Variants in WNK1 observed in about 807,000 individuals in gnomAD.
WNK1 encodes serine/threonine-protein kinase WNK1.
A neutral mutation model predicts 222.8 loss-of-function variants in WNK1; 38 were observed. The ratio of observed to expected loss-of-function variants is 0.17; its 90% CI spans 0.13 to 0.22. The LOEUF (loss-of-function observed/expected upper bound fraction) is 0.22, where lower values mean the gene tolerates loss of function less well. Among genes scored for constraint, WNK1 ranks in the 10% least tolerant of loss-of-function variants. The probability of loss-of-function intolerance (pLI) is 1.00; values close to 1 mark genes in which losing one functional copy is unlikely to be tolerated. For synonymous variants in WNK1, 1,090 were observed against 1,092.9 expected (o/e 1.00, Z 0.05); for missense variants, 2,348 against 2,918.4 (o/e 0.80, Z 4.50).
intron 3 of WNK1, among the ~76,000 whole-genome samples, chr12:828,840 A>G (rs541120864): frequency 2.6e-5 from 4 of 152,362 alleles, no homozygotes; most frequent in South Asian, 4.1e-4. Flanking sequence ...AGGTGACAAT[A>G]ACAAAAGAAA....
chr12:800,255 C>T (rs1181779769), intron 1 of WNK1, among the ~76,000 whole-genome samples: 6 of 152,014 alleles, frequency 3.9e-5, no homozygotes, highest in Admixed American at 6.5e-5. Flanking sequence ...CAGAAAAAAA[C>T]ATTTATTAAG....
intron 4 of WNK1, among the ~76,000 whole-genome samples, chr12:845,367 A>G (rs1949957559): frequency 6.6e-6 from 1 of 152,226 alleles, no homozygotes; most frequent in African/African-American, 2.4e-5. Context: ...ACACACCCAC[A>G]GACCCCAGCC....
chr12:895,855 C>T (rs1438164058), intron 23 of WNK1, among the ~76,000 whole-genome samples: 1 of 152,190 alleles, frequency 6.6e-6, no homozygotes, highest in Non-Finnish European at 1.5e-5. Flanking sequence ...ATAAGCGTAG[C>T]CAGCCACACA....
Position 865,310 on chromosome 12 carries a change from T to C in WNK1, c.2139+3040T>C, listed in dbSNP as rs1951571631. On this transcript the variant is annotated intron_variant, in intron 8 of 27. Transcript: ENST00000315939. ...TGGAGAGTGTCCTGCCTATGCACTC[T>C]GCCTCTCAGCGCAAGCACCGACGCT... is the stretch of plus-strand genomic sequence containing the variant. 2.6e-6 allele frequency: 4 copies of C among 1,536,048 alleles called. No individual in the cohort carries two copies. The highest frequency in any genetic ancestry group is 2.6e-6 in the Non-Finnish European group (3 of 1,146,924).
At chr12:795,338 G>A (rs1945214776) in intron 1 of WNK1, among the ~76,000 whole-genome samples, 1 of 138,970 alleles carries the variant, frequency 7.2e-6, no homozygotes, top group Admixed American at 7.3e-5. Context: ...GATATGGTTT[G>A]GCTCTGTATC....
At position 908,861 on chromosome 12, in the gene WNK1, G is replaced by GGGGCCCC; in HGVS notation, c.*69_*70insGGGCCCC. On this transcript the variant is annotated 3_prime_UTR_variant, in exon 28 of 28. Transcript: ENST00000315939. ...ATGCTGAGGGGGTGGGTGGGGGTGG[G>GGGGCCCC]AAGTAGCCTATATACTAACTACTAG... 1 of 491,846 alleles carries GGGGCCCC rather than the reference G, an allele frequency of 2.0e-6. No individual in the cohort carries two copies. Among genetic ancestry groups the GGGGCCCC allele is most frequent in the Non-Finnish European group, 4.1e-6 (1 of 241,770 alleles). The allele number at this position is 491,846 out of a possible 1,614,324, so 30.5% of individuals were successfully genotyped here. A position where few individuals can be genotyped will look rare whatever the true frequency, so the allele number is the denominator to read the frequency against.
intron 1 of WNK1, among the ~76,000 whole-genome samples, chr12:766,820 A>G (rs1222161697): frequency 4.0e-5 from 6 of 151,668 alleles, no homozygotes; most frequent in African/African-American, 1.5e-4. Context: ...TCTGTCGCCC[A>G]GGCTGGAGTG....
At position 885,432 on chromosome 12, in the gene WNK1, C is replaced by T. The variant is rs866506016; in HGVS notation, c.4628C>T (p.Ser1543Phe). ...AGCAGTACAACTGGATTGGCTTTCT[C>T]CCTCTCTGCACCATCTTCCTCTTCC... is the stretch of plus-strand genomic sequence containing the variant. ...SHSSTTGLAF[S>F]LSAPSSSSSP... The change falls in exon 19 of 28, where the codon TCC (serine) becomes TTC (phenylalanine). Residue 1543 changes from serine (S) to phenylalanine (F), a missense_variant. Ser to Phe is a radical substitution (Grantham distance 155, BLOSUM62 -2). Around this residue, in one of 13 missense-constraint regions of WNK1, gnomAD observed 1,144 missense variants for 1,273.6 expected, o/e 0.90. Transcript: ENST00000315939. The T allele has an allele frequency of 1.2e-6, 2 of 1,613,772 alleles. No individual in the cohort carries two copies. Among genetic ancestry groups the T allele is most frequent in the Non-Finnish European group, 1.7e-6 (2 of 1,180,038 alleles).
intron 8 of WNK1, chr12:867,835 T>C (rs908126045): frequency 2.5e-6 from 4 of 1,611,886 alleles, no homozygotes; most frequent in Non-Finnish European, 2.5e-6. Context: ...TATGAATGTA[T>C]GAATTACTTG....
intron 10 of WNK1, 71 bp downstream of exon 10, chr12:878,432 G>T: frequency 6.6e-7 from 1 of 1,518,366 alleles, no homozygotes; most frequent in Non-Finnish European, 9.0e-7. Context: ...GGATTTCCAT[G>T]TAACTTGTCC....
At chr12:864,261 C>T (rs1341423486) in intron 8 of WNK1, among the ~76,000 whole-genome samples, 1 of 151,974 alleles carries the variant, frequency 6.6e-6, no homozygotes, top group South Asian at 2.1e-4. Context: ...GCACCCATCA[C>T]CACGCCCAGC....
chr12:792,151 A>G (rs1312681677), intron 1 of WNK1, among the ~76,000 whole-genome samples: 1 of 152,160 alleles, frequency 6.6e-6, no homozygotes, highest in Non-Finnish European at 1.5e-5. Flanking sequence ...AGTTTTTTGA[A>G]GGAAGAAGCC....
At chr12:898,945 T>C (rs940478997) in intron 25 of WNK1, among the ~76,000 whole-genome samples, 1 of 152,128 alleles carries the variant, frequency 6.6e-6, no homozygotes, top group Non-Finnish European at 1.5e-5. Flanking sequence ...TTCACTATGT[T>C]GGCCAGGCTG....
Position 882,021 on chromosome 12 carries a change from G to A in WNK1, c.3320G>A (p.Arg1107Lys). 8 of 1,614,094 alleles carry A rather than the reference G, an allele frequency of 5.0e-6. No homozygotes were observed. Among genetic ancestry groups the A allele is most frequent in the Non-Finnish European group, 6.8e-6 (8 of 1,180,016 alleles). The change falls in exon 14 of 28, where the codon AGG becomes AAG. Residue 1107 changes from arginine (R) to lysine (K), a missense_variant. Transcript: ENST00000315939. ...TTKRHYRKSV[R>K]SRSRHEKTSR... ...AAACGGCATTACCGAAAATCTGTAAGGAGTCGCTCTCGACATGAAAAAACT... is the reference window on the plus strand; with the variant it reads ...AAACGGCATTACCGAAAATCTGTAAAGAGTCGCTCTCGACATGAAAAAACT...
intron 21 of WNK1, 35 bp from the exon 22 acceptor site, chr12:890,418 A>C (rs761872425): frequency 6.2e-7 from 1 of 1,613,986 alleles, no homozygotes; most frequent in East Asian, 2.2e-5. Context: ...ACTGAAGCTA[A>C]AGATTTGTGG....
At position 882,204 on chromosome 12, in the gene WNK1, T is replaced by G. The variant is rs202160513; in HGVS notation, c.3372+131T>G. Reference sequence around the variant, plus strand: ...AACTATCTGTGTGTGACAGATAATTTTTTTTTTTTTTAGACGGAGTCTCGC... The same window carrying G: ...AACTATCTGTGTGTGACAGATAATTGTTTTTTTTTTTAGACGGAGTCTCGC... On this transcript the variant is annotated intron_variant, in intron 14 of 27. Transcript: ENST00000315939. 161 of 1,090,152 alleles carry G rather than the reference T, an allele frequency of 1.5e-4. 1 individual carries two copies. In the East Asian group the frequency reaches 3.8e-3, roughly 25 times the overall value. 67.5% of individuals were successfully genotyped at this position (1,090,152 alleles called of 1,614,324 possible). A position where few individuals can be genotyped will look rare whatever the true frequency, so the allele number is the denominator to read the frequency against.
At chr12:817,461 A>G (rs1947450662) in intron 2 of WNK1, among the ~76,000 whole-genome samples, 1 of 152,252 alleles carries the variant, frequency 6.6e-6, no homozygotes, top group Non-Finnish European at 1.5e-5. Flanking sequence ...CATTTCTGGA[A>G]GAATGGATAA....
intron 1 of WNK1, among the ~76,000 whole-genome samples, chr12:755,285 A>G (rs1013125723): frequency 2.0e-5 from 3 of 152,250 alleles, no homozygotes; most frequent in Non-Finnish European, 1.5e-5. Flanking sequence ...CACATTATGC[A>G]TGCATAAAAA....
At chr12:763,262 C>T (rs556776284) in intron 1 of WNK1, among the ~76,000 whole-genome samples, 1 of 147,462 alleles carries the variant, frequency 6.8e-6, no homozygotes, top group African/African-American at 2.4e-5. Context: ...TTTCATCACA[C>T]TAGTCAGAAT....
Sources: allele counts gnomAD v4.1 joint callset (sites outside exome capture counted in the v4.1 genomes callset), GRCh38; gene constraint gnomAD v4.1.1; regional missense constraint gnomAD v4.1.1; transcripts MANE v1.5; gene names NCBI Gene and HGNC (gene_info 2026-07-23, HGNC 2026-07-21).